The following KCNN3 variants were observed in gnomAD, a reference collection of about 807,000 sequenced individuals.
KCNN3 encodes potassium calcium-activated channel subfamily N member 3.
KCNN3 carries 16 observed loss-of-function variants against 62.9 expected under a neutral mutation model. That is an observed-to-expected ratio of 0.25 (90% CI 0.17 to 0.39). The LOEUF is 0.39. Among genes scored for constraint, KCNN3 ranks in the 10% least tolerant of loss-of-function variants. The probability of loss-of-function intolerance (pLI) is 1.00; values close to 1 mark genes in which losing one functional copy is unlikely to be tolerated. For synonymous variants in KCNN3, 370 were observed against 389.2 expected, an observed-to-expected ratio of 0.95 and a Z score of 0.58; for missense variants, 599 against 949.4, an observed-to-expected ratio of 0.63 and a Z score of 4.85.
intron 2 of KCNN3, among the ~76,000 whole-genome samples, chr1:154,789,236 C>T (rs534982087): frequency 6.6e-6 from 1 of 152,322 alleles, no homozygotes; most frequent in South Asian, 2.1e-4. Context: ...CGTCCTGCTT[C>T]CTCTTCGGTA....
At chr1:154,861,299 T>C (rs1160429580) in intron 1 of KCNN3, among the ~76,000 whole-genome samples, 2 of 152,056 alleles carry the variant, frequency 1.3e-5, no homozygotes, top group Non-Finnish European at 2.9e-5. Context: ...AAAGGAAGGA[T>C]ATCAGGTCTT....
intron 1 of KCNN3, among the ~76,000 whole-genome samples, chr1:154,835,239 A>G (rs1651540026): frequency 6.6e-6 from 1 of 152,262 alleles, no homozygotes; most frequent in Non-Finnish European, 1.5e-5. Flanking sequence ...GGGTTTACCC[A>G]GGAGAGTCCA....
In KCNN3 at chr1:154,790,721, C is replaced by T. The variant is rs573717876; in HGVS notation, c.1030-18328G>A. Among the ~76,000 whole-genome samples the T allele has an allele frequency of 4.6e-5, 7 of 152,242 alleles. No homozygotes were observed. The South Asian group carries it at 1.2e-3, about 27-fold the overall frequency. On this transcript the variant is annotated intron_variant, in intron 2 of 7. Transcript: ENST00000271915. Reference sequence around the variant, plus strand: ...TGCTTTCACACCATCATAAAGTCGACAAATCTTAAGTCAAATCATCGTTAA... The same window carrying T: ...TGCTTTCACACCATCATAAAGTCGATAAATCTTAAGTCAAATCATCGTTAA...
At chr1:154,839,123 G>A (rs546444937) in intron 1 of KCNN3, among the ~76,000 whole-genome samples, 5 of 152,320 alleles carry the variant, frequency 3.3e-5, no homozygotes, top group African/African-American at 7.2e-5. Flanking sequence ...GACACAGGTC[G>A]CTGTGTAGCG....
intron 2 of KCNN3, among the ~76,000 whole-genome samples, chr1:154,798,669 C>CAA (rs1649834393): frequency 6.6e-6 from 1 of 152,218 alleles, no homozygotes; most frequent in African/African-American, 2.4e-5. Context: ...ACATCACAAG[C>CAA]ATTCTCTGGT....
intron 2 of KCNN3, among the ~76,000 whole-genome samples, chr1:154,799,847 A>T (rs1359153763): frequency 6.6e-6 from 1 of 152,212 alleles, no homozygotes; most frequent in Admixed American, 6.5e-5. Context: ...TTAGTTCTGT[A>T]GCTGAGCATG....
At chr1:154,833,615 C>T (rs939499170) in intron 1 of KCNN3, among the ~76,000 whole-genome samples, 1 of 152,206 alleles carries the variant, frequency 6.6e-6, no homozygotes, top group Non-Finnish European at 1.5e-5. Flanking sequence ...GGGACTCTGG[C>T]CTACCCAAGG....
intron 1 of KCNN3, among the ~76,000 whole-genome samples, chr1:154,848,101 C>T (rs185342635): frequency 4.6e-5 from 7 of 152,192 alleles, no homozygotes; most frequent in African/African-American, 7.2e-5. Flanking sequence ...GGCCTCCCCC[C>T]CTCCCCAGCC....
At chr1:154,739,553 A>AG (rs1276487278) in intron 3 of KCNN3, among the ~76,000 whole-genome samples, 1 of 152,252 alleles carries the variant, frequency 6.6e-6, no homozygotes, top group Non-Finnish European at 1.5e-5. Context: ...TATGGTAGGA[A>AG]GCTTCTAAAA....
At chr1:154,771,761 T>C (rs987444242) in intron 3 of KCNN3, 2 of 623,422 alleles carry the variant, frequency 3.2e-6, no homozygotes, top group Non-Finnish European at 5.8e-6. Context: ...GAAAATTCTG[T>C]GCCTTTTTCC....
chr1:154,768,509 C>T (rs749893002), intron 3 of KCNN3, among the ~76,000 whole-genome samples: 1 of 152,186 alleles, frequency 6.6e-6, no homozygotes, highest in Non-Finnish European at 1.5e-5. Flanking sequence ...AGGAAGTTCC[C>T]GGATGCAGTG....
At chr1:154,807,339 C>T (rs1557985712) in intron 2 of KCNN3, among the ~76,000 whole-genome samples, 1 of 152,202 alleles carries the variant, frequency 6.6e-6, no homozygotes, top group East Asian at 1.9e-4. Context: ...ATTCCCTCTA[C>T]AGCGCCAGCT....
intron 3 of KCNN3, among the ~76,000 whole-genome samples, chr1:154,765,506 A>G (rs1293641816): frequency 5.3e-5 from 8 of 152,150 alleles, no homozygotes. Context: ...AGTTTTCTGG[A>G]ACTCTGTGCT....
At chr1:154,766,415 T>TC (rs1557964775) in intron 3 of KCNN3, among the ~76,000 whole-genome samples, 3 of 61,674 alleles carry the variant, frequency 4.9e-5, no homozygotes, top group African/African-American at 1.8e-4. Context: ...CTAGCCAGGC[T>TC]TTATATATAT....
In KCNN3 at chr1:154,706,865, A is replaced by G. The variant is rs772591010; in HGVS notation, c.*1111T>C. ...TCAGCAAATCCCCAACCATATTTCT[A>G]TTCACTAAGGTGTTATTGGATTGCT... On this transcript the variant is annotated 3_prime_UTR_variant, in exon 8 of 8. Coordinates refer to ENST00000271915, the MANE Select transcript of KCNN3 (RefSeq NM_002249.6). The G allele has an allele frequency of 2.6e-5, 4 of 152,176 alleles. No individual in the cohort carries two copies. The highest frequency in any genetic ancestry group is 7.2e-5 in the African/African-American group (3 of 41,430). 9.4% of individuals were successfully genotyped at this position (152,176 alleles called of 1,614,324 possible).
intron 3 of KCNN3, among the ~76,000 whole-genome samples, chr1:154,748,703 G>A (rs1700991398): frequency 6.6e-6 from 1 of 152,228 alleles, no homozygotes; most frequent in Non-Finnish European, 1.5e-5. Context: ...GCTCATGCCT[G>A]TAATCCAAGC....
chr1:154,840,133 G>T (rs1402239549), intron 1 of KCNN3, among the ~76,000 whole-genome samples: 1 of 152,178 alleles, frequency 6.6e-6, no homozygotes, highest in Non-Finnish European at 1.5e-5. Context: ...TGTAAAATTT[G>T]TAGAGATGCT....
chr1:154,698,640 G>A lies in KCNN3; in HGVS notation c.*9336C>T, dbSNP rs1699789610. 1 of 152,242 alleles carries A rather than the reference G, an allele frequency of 6.6e-6. No homozygotes were observed. The highest frequency in any genetic ancestry group is 1.5e-5 in the Non-Finnish European group (1 of 68,102). 9.4% of individuals were successfully genotyped at this position (152,242 alleles called of 1,614,324 possible). A position where few individuals can be genotyped will look rare whatever the true frequency, so the allele number is the denominator to read the frequency against. Reference sequence around the variant, plus strand: ...CACACCACAGAAAGAGAAGACCTTTGGCTAAGGTAGAGAAAGGCTGACTCA... The same window carrying A: ...CACACCACAGAAAGAGAAGACCTTTAGCTAAGGTAGAGAAAGGCTGACTCA... On this transcript the variant is annotated 3_prime_UTR_variant, in exon 8 of 8. Coordinates refer to ENST00000271915, the MANE Select transcript of KCNN3 (RefSeq NM_002249.6).
chr1:154,758,605 A>G (rs1352062455), intron 3 of KCNN3, among the ~76,000 whole-genome samples: 2 of 151,922 alleles, frequency 1.3e-5, no homozygotes, highest in East Asian at 3.9e-4. Context: ...CAGCCAGGGG[A>G]CTTTGGCTGC....
Sources: gnomAD v4.1 joint callset for allele counts (sites outside exome capture counted in the v4.1 genomes callset) on GRCh38, gnomAD v4.1.1 for gene constraint, MANE v1.5 for transcripts, NCBI Gene and HGNC (gene_info 2026-07-23, HGNC 2026-07-21) for gene names.